MYRIP: variants seen among roughly 807,000 people sequenced by gnomAD.
MYRIP encodes the protein myosin VIIA and Rab interacting protein.
MYRIP carries 49 observed loss-of-function variants against 98.0 expected under a neutral mutation model. The ratio of observed to expected loss-of-function variants is 0.50; its 90% confidence interval spans 0.40 to 0.63. MYRIP has a LOEUF of 0.63. Among genes scored for constraint, MYRIP ranks in the 30% least tolerant of loss-of-function variants. The probability of loss-of-function intolerance (pLI) is 0.00; values close to 1 mark genes in which losing one functional copy is unlikely to be tolerated. For missense variants in MYRIP, 1,004 were observed against 1,058.2 expected (o/e 0.95, Z 0.71); for synonymous variants, 404 against 409.5 (o/e 0.99, Z 0.16).
At chr3:39,929,593 T>C (rs1407929588) in intron 2 of MYRIP, among the ~76,000 whole-genome samples, 1 of 152,052 alleles carries the variant, frequency 6.6e-6, no homozygotes, top group African/African-American at 2.4e-5. Context: ...AAAATATATT[T>C]TTAATTGAAC....
chr3:40,027,742 C>T (rs2125814389), intron 2 of MYRIP, among the ~76,000 whole-genome samples: 1 of 152,018 alleles, frequency 6.6e-6, no homozygotes, highest in East Asian at 1.9e-4. Flanking sequence ...ATCCTTAGCA[C>T]CTGTAATAAT....
At chr3:40,169,176 C>G (rs1280432327) in intron 7 of MYRIP, among the ~76,000 whole-genome samples, 1 of 152,212 alleles carries the variant, frequency 6.6e-6, no homozygotes, top group African/African-American at 2.4e-5. Flanking sequence ...CCGGCAGTCA[C>G]TGGTCCTCAG....
intron 2 of MYRIP, among the ~76,000 whole-genome samples, chr3:39,991,888 C>T (rs1946189497): frequency 6.6e-6 from 1 of 152,150 alleles, no homozygotes; most frequent in Non-Finnish European, 1.5e-5. Context: ...CTCATTTCTT[C>T]ACTGATATAG....
rs1221857335 is a variant in MYRIP at position 39,820,245 on chromosome 3, T to C, written c.-31+10329T>C. Among the ~76,000 whole-genome samples, 6 of 152,342 alleles carry C rather than the reference T, an allele frequency of 3.9e-5. No individual in the cohort carries two copies. The East Asian group carries it at 1.2e-3, about 29-fold the overall frequency. On this transcript the variant is annotated intron_variant, in intron 1 of 16. Transcript: ENST00000302541. ...GCTCAGATAACAGTGTCCTGTGATA[T>C]GGTTCCCTCTTTTTGGTGTGAAATG...
At chr3:39,976,590 G>A (rs9855813) in intron 2 of MYRIP, among the ~76,000 whole-genome samples, 27,932 of 152,072 alleles carry the variant, frequency 0.18, 4,882 homozygotes, top group African/African-American at 0.46. Flanking sequence ...AAAGACACAT[G>A]CACACATATG....
intron 16 of MYRIP, among the ~76,000 whole-genome samples, chr3:40,254,353 G>A (rs957609359): frequency 1.3e-5 from 2 of 151,928 alleles, no homozygotes; most frequent in African/African-American, 4.8e-5. Context: ...CAGTGAATCT[G>A]CATTTTTTTT....
intron 3 of MYRIP, among the ~76,000 whole-genome samples, chr3:40,082,369 C>A (rs186087261): frequency 6.6e-6 from 1 of 152,138 alleles, no homozygotes; most frequent in Non-Finnish European, 1.5e-5. Context: ...CTCACCATTG[C>A]GGGAGCTGGT....
At chr3:40,180,381 C>T (rs911088981) in intron 8 of MYRIP, among the ~76,000 whole-genome samples, 5 of 152,244 alleles carry the variant, frequency 3.3e-5, no homozygotes, top group African/African-American at 1.2e-4. Flanking sequence ...CCAGGGGCTA[C>T]AGATGTCACT....
intron 3 of MYRIP, among the ~76,000 whole-genome samples, chr3:40,066,574 G>A (rs72871481): frequency 0.024 from 3,711 of 152,132 alleles, 148 homozygotes; most frequent in African/African-American, 0.082. Context: ...TTCCCTTAAG[G>A]TTGTACCTCT....
At chr3:40,128,160 C>T (rs1448852934) in intron 3 of MYRIP, among the ~76,000 whole-genome samples, 1 of 152,096 alleles carries the variant, frequency 6.6e-6, no homozygotes, top group Non-Finnish European at 1.5e-5. Flanking sequence ...AAGAAAAGAC[C>T]CAGAGCCAGC....
At chr3:39,874,603 C>G (rs138580278) in intron 1 of MYRIP, among the ~76,000 whole-genome samples, 3 of 151,890 alleles carry the variant, frequency 2.0e-5, no homozygotes, top group Non-Finnish European at 2.9e-5. Flanking sequence ...GATAATCATG[C>G]GGTTTTTGTC....
At chr3:39,887,250 A>G (rs530343724) in intron 1 of MYRIP, among the ~76,000 whole-genome samples, 17 of 152,108 alleles carry the variant, frequency 1.1e-4, no homozygotes, top group African/African-American at 3.6e-4. Flanking sequence ...AAGATCCAAA[A>G]TTGACACCCT....
chr3:39,959,893 TG>T (rs1159443867), intron 2 of MYRIP, among the ~76,000 whole-genome samples: 1 of 152,152 alleles, frequency 6.6e-6, no homozygotes, highest in Non-Finnish European at 1.5e-5. Flanking sequence ...ATGGTGTTCG[TG>T]ATTCCTTATC....
intron 1 of MYRIP, among the ~76,000 whole-genome samples, chr3:39,849,507 C>T (rs1178837724): frequency 6.6e-6 from 1 of 152,176 alleles, no homozygotes; most frequent in African/African-American, 2.4e-5. Flanking sequence ...AGAGGTCCAG[C>T]CTTCCCGGAG....
intron 1 of MYRIP, among the ~76,000 whole-genome samples, chr3:39,861,452 A>G (rs898674969): frequency 2.6e-5 from 4 of 152,224 alleles, no homozygotes; most frequent in African/African-American, 9.6e-5. Flanking sequence ...TTACCTCGCA[A>G]CAACCACACT....
chr3:40,034,907 G>T (rs1359713403), intron 2 of MYRIP, among the ~76,000 whole-genome samples: 3 of 151,770 alleles, frequency 2.0e-5, no homozygotes, highest in Admixed American at 2.0e-4. Context: ...AAAAGGATGA[G>T]TTCATGTCCT....
At chr3:40,065,827 CT>C (rs1025214170) in intron 3 of MYRIP, among the ~76,000 whole-genome samples, 8 of 152,128 alleles carry the variant, frequency 5.3e-5, no homozygotes, top group African/African-American at 1.9e-4. Context: ...TCTTCTTTAT[CT>C]TTGTACCCAA....
intron 1 of MYRIP, among the ~76,000 whole-genome samples, chr3:39,861,930 C>A (rs1465860173): frequency 1.3e-5 from 2 of 152,142 alleles, no homozygotes; most frequent in Non-Finnish European, 2.9e-5. Context: ...AGGACATCAT[C>A]CATGAAAAGT....
chr3:40,144,144 C>T (rs4132209), intron 3 of MYRIP, among the ~76,000 whole-genome samples: 53,472 of 152,050 alleles, frequency 0.35, 10,995 homozygotes, highest in Non-Finnish European at 0.46. Flanking sequence ...AATTTGTTGG[C>T]TCATATAATG....
Sources: gnomAD v4.1 joint callset for allele counts (sites outside exome capture counted in the v4.1 genomes callset) on GRCh38, gnomAD v4.1.1 for gene constraint, MANE v1.5 for transcripts, NCBI Gene and HGNC (gene_info 2026-07-23, HGNC 2026-07-21) for gene names.